Variants in OSBPL10 observed in about 807,000 individuals in gnomAD.
The protein encoded by OSBPL10 is oxysterol-binding protein-related protein 10.
In OSBPL10, 49 loss-of-function variants were observed where a neutral mutation model predicts 81.7. The observed-to-expected ratio is 0.60, with a 90% CI of 0.48 to 0.76. The LOEUF (loss-of-function observed/expected upper bound fraction) is 0.76, where lower values mean the gene tolerates loss of function less well. Ranked by LOEUF, OSBPL10 falls within the 30% of genes least tolerant of loss-of-function variation. The probability of loss-of-function intolerance (pLI) is 0.00; values close to 1 mark genes in which losing one functional copy is unlikely to be tolerated. For synonymous variants in OSBPL10, 419 were observed against 383.6 expected (o/e 1.09, Z -1.08); for missense variants, 923 against 987.8 (o/e 0.93, Z 0.88).
chr3:31,805,917 G>GCTACCATCGTCATCGTTA (rs1699511128), intron 4 of OSBPL10, among the ~76,000 whole-genome samples: 1 of 151,404 alleles, frequency 6.6e-6, no homozygotes, highest in Non-Finnish European at 1.5e-5. Context: ...ACCTGGCACT[G>GCTACCATCGTCATCGTTA]TTCTAAGCTC....
intron 4 of OSBPL10, among the ~76,000 whole-genome samples, chr3:31,810,087 T>A (rs1012956062): frequency 4.6e-5 from 7 of 151,982 alleles, no homozygotes; most frequent in African/African-American, 1.7e-4. Context: ...GTCAGGCTGG[T>A]CTCGAACTCC....
chr3:31,855,885 AC>A (rs1399248934), intron 3 of OSBPL10, among the ~76,000 whole-genome samples: 1 of 151,846 alleles, frequency 6.6e-6, no homozygotes, highest in African/African-American at 2.4e-5. Flanking sequence ...ATGGAAAATC[AC>A]CCCACAAGGT....
At chr3:32,024,210 A>C (rs1032410365) in intron 2 of OSBPL10, among the ~76,000 whole-genome samples, 1 of 152,252 alleles carries the variant, frequency 6.6e-6, no homozygotes, top group African/African-American at 2.4e-5. Context: ...TTTCCATATA[A>C]ATTTTATGAT....
intron 2 of OSBPL10, among the ~76,000 whole-genome samples, chr3:32,003,468 A>G (rs1245571263): frequency 6.6e-6 from 1 of 152,192 alleles, no homozygotes; most frequent in Non-Finnish European, 1.5e-5. Flanking sequence ...TCCTGAGGAC[A>G]TTTAGGGAAC....
At chr3:31,782,942 T>C (rs1014103229) in intron 4 of OSBPL10, among the ~76,000 whole-genome samples, 1 of 151,970 alleles carries the variant, frequency 6.6e-6, no homozygotes, top group Admixed American at 6.6e-5. Flanking sequence ...ACTAGGTATC[T>C]ACTCAAAGGA....
chr3:31,729,694 C>T (rs942991968), intron 6 of OSBPL10, among the ~76,000 whole-genome samples: 2 of 152,214 alleles, frequency 1.3e-5, no homozygotes, highest in African/African-American at 2.4e-5. Flanking sequence ...GCTGGGATTA[C>T]CGGCATGAGC....
At chr3:31,721,110 G>A (rs979938776) in intron 6 of OSBPL10, among the ~76,000 whole-genome samples, 14 of 152,084 alleles carry the variant, frequency 9.2e-5, no homozygotes, top group Non-Finnish European at 1.8e-4. Flanking sequence ...ATGGGACTAC[G>A]GAAGCAGGGT....
At chr3:31,762,193 G>T (rs1208909020) in intron 4 of OSBPL10, among the ~76,000 whole-genome samples, 1 of 152,152 alleles carries the variant, frequency 6.6e-6, no homozygotes, top group African/African-American at 2.4e-5. Flanking sequence ...AAAGCTCAAG[G>T]TCTGGTTTTA....
intron 1 of OSBPL10, among the ~76,000 whole-genome samples, chr3:32,070,997 C>T (rs1181404670): frequency 6.6e-6 from 1 of 152,192 alleles, no homozygotes; most frequent in African/African-American, 2.4e-5. Flanking sequence ...TCATGATTTA[C>T]TTTCTTTCCA....
At chr3:31,812,771 A>AAAGAAAGAAAGAAAGAAAGAAAGAAAGG in intron 4 of OSBPL10, among the ~76,000 whole-genome samples, 1 of 49,902 alleles carries the variant, frequency 2.0e-5, no homozygotes. Context: ...AGAAAGAAAG[A>AAAGAAAGAAAGAAAGAAAGAAAGAAAGG]AAGAAAGAAA....
At chr3:32,073,385 C>A (rs1448536496) in intron 1 of OSBPL10, among the ~76,000 whole-genome samples, 1 of 152,118 alleles carries the variant, frequency 6.6e-6, no homozygotes, top group Non-Finnish European at 1.5e-5. Context: ...GGACAGGACC[C>A]CACTTAGTCA....
At chr3:31,838,509 A>C (rs1382303585) in intron 3 of OSBPL10, among the ~76,000 whole-genome samples, 1 of 6,860 alleles carries the variant, frequency 1.5e-4, no homozygotes, top group Non-Finnish European at 2.5e-4. Context: ...AGACTCTGTC[A>C]AAAAAAAAAA....
intron 1 of OSBPL10, among the ~76,000 whole-genome samples, chr3:31,891,713 G>T (rs1436170804): frequency 6.6e-6 from 1 of 152,130 alleles, no homozygotes; most frequent in Non-Finnish European, 1.5e-5. Flanking sequence ...AATATTATTT[G>T]GCAGGGGCTC....
At chr3:31,940,926 C>T (rs1412936315) in intron 1 of OSBPL10, among the ~76,000 whole-genome samples, 1 of 152,168 alleles carries the variant, frequency 6.6e-6, no homozygotes, top group East Asian at 1.9e-4. Context: ...GCATGAGCCA[C>T]CACACCTGGC....
At chr3:32,024,057 A>C (rs895370921) in intron 2 of OSBPL10, among the ~76,000 whole-genome samples, 1 of 152,226 alleles carries the variant, frequency 6.6e-6, no homozygotes, top group Non-Finnish European at 1.5e-5. Flanking sequence ...CCTACTGTAC[A>C]TGCCTATGCT....
At position 31,939,144 on chromosome 3, in the gene OSBPL10, C is replaced by CTT. The variant is rs57544063; in HGVS notation, c.281+41753_281+41754dup. ...TTTAATGTGCCAAGACTCTCTCATC[C>CTT]TTTTTTTTTTTTTTTTTTGAGACAG... On this transcript the variant is annotated intron_variant, in intron 1 of 11. Coordinates refer to ENST00000396556, the MANE Select transcript of OSBPL10 (RefSeq NM_017784.5). 3.8e-3 allele frequency among the ~76,000 whole-genome samples: 251 copies of CTT among 65,330 alleles called. 5 individuals are homozygous for CTT. The highest frequency in any genetic ancestry group is 8.3e-3 in the Middle Eastern group (1 of 120). 42.9% of individuals were successfully genotyped at this position (65,330 alleles called of 152,430 possible). A position where few individuals can be genotyped will look rare whatever the true frequency, so the allele number is the denominator to read the frequency against.
intron 10 of OSBPL10, among the ~76,000 whole-genome samples, chr3:31,667,897 C>T (rs1353794304): frequency 6.6e-6 from 1 of 152,274 alleles, no homozygotes; most frequent in Non-Finnish European, 1.5e-5. Flanking sequence ...GATTCTGCTT[C>T]TGTGCCTGCA....
intron 1 of OSBPL10, among the ~76,000 whole-genome samples, chr3:31,973,023 G>T (rs1268525764): frequency 6.6e-6 from 1 of 152,146 alleles, no homozygotes; most frequent in Non-Finnish European, 1.5e-5. Context: ...TCCAGTCTAG[G>T]TTATCAAAAT....
At chr3:31,847,818 T>C (rs577647947) in intron 3 of OSBPL10, among the ~76,000 whole-genome samples, 3 of 152,144 alleles carry the variant, frequency 2.0e-5, no homozygotes, top group Admixed American at 1.3e-4. Context: ...GGGAAACTAT[T>C]ACACCTTCCA....
Sources: allele counts gnomAD v4.1 joint callset (sites outside exome capture counted in the v4.1 genomes callset), GRCh38; gene constraint gnomAD v4.1.1; transcripts MANE v1.5; gene names NCBI Gene and HGNC (gene_info 2026-07-23, HGNC 2026-07-21).